Variants in ST8SIA6 observed in about 807,000 individuals in gnomAD.
ST8SIA6 encodes alpha-2,8-sialyltransferase 8F.
Under a neutral mutation model 33.6 loss-of-function variants are expected in ST8SIA6, and 39 were observed. The ratio of observed to expected loss-of-function variants is 1.16; its 90% CI spans 0.90 to 1.52. ST8SIA6 has a LOEUF of 1.52. ST8SIA6 is among the 40% of genes most tolerant of loss of function. The pLI is 0.00. For missense variants in ST8SIA6, 441 were observed against 443.8 expected, an observed-to-expected ratio of 0.99 and a Z score of 0.06; for synonymous variants, 172 against 167.2, an observed-to-expected ratio of 1.03 and a Z score of -0.22.
At position 17,399,698 on chromosome 10, in the gene ST8SIA6, C is replaced by T. The variant is rs117537235; in HGVS notation, c.201-9078G>A. Among the ~76,000 whole-genome samples, 789 of 152,104 alleles carry T rather than the reference C, an allele frequency of 5.2e-3. 3 individuals are homozygous for T. Among genetic ancestry groups the T allele is most frequent in the Admixed American group, 0.013 (197 of 15,288 alleles). Reference sequence around the variant, plus strand: ...TTGGGAGGCAGAGGTAGGGGAGGGTCTTGAGCCTAGGAGTTTGAGACCAGC... The same window carrying T: ...TTGGGAGGCAGAGGTAGGGGAGGGTTTTGAGCCTAGGAGTTTGAGACCAGC... On this transcript the variant is annotated intron_variant, in intron 2 of 7. Transcript: ENST00000377602.
rs1356976285 is a variant in ST8SIA6 at position 17,319,221 on chromosome 10, C to T, written c.*1657G>A. Among the ~76,000 whole-genome samples the T allele has an allele frequency of 1.3e-5, 2 of 152,204 alleles. No homozygotes were observed. Among genetic ancestry groups the T allele is most frequent in the African/African-American group, 2.4e-5 (1 of 41,448 alleles). ...AAATCATAAAACATGCGTCACAGTT[C>T]TTGTCGCTCTGTAATGGTGAGTTAC... On this transcript the variant is annotated 3_prime_UTR_variant, in exon 8 of 8. Coordinates refer to ENST00000377602, the MANE Select transcript of ST8SIA6 (RefSeq NM_001004470.3).
At chr10:17,374,752 A>AAATATATATATAT (rs1849849506) in intron 3 of ST8SIA6, among the ~76,000 whole-genome samples, 2 of 123,310 alleles carry the variant, frequency 1.6e-5, no homozygotes, top group African/African-American at 3.1e-5. Context: ...ATAAATAATA[A>AAATATATATATAT]ATATATATAT....
rs187622019 is a variant in ST8SIA6, at chr10:17,401,937, C to T, written c.201-11317G>A. Among the ~76,000 whole-genome samples, 8 of 152,180 alleles carry T rather than the reference C, an allele frequency of 5.3e-5. No homozygotes were observed. In the East Asian group the frequency reaches 1.2e-3, roughly 22 times the overall value. On this transcript the variant is annotated intron_variant, in intron 2 of 7. Transcript: ENST00000377602. ...AAAAGTCAAAATTGACAAATAGGAT[C>T]TAATTAAACTAAAGAGCTTCTGCAC...
chr10:17,383,832 CTTTGT>C (rs1850245025), intron 3 of ST8SIA6, among the ~76,000 whole-genome samples: 1 of 152,162 alleles, frequency 6.6e-6, no homozygotes, highest in Non-Finnish European at 1.5e-5. Flanking sequence ...TTTACTGATC[CTTTGT>C]TTTGTTTTTC....
intron 4 of ST8SIA6, among the ~76,000 whole-genome samples, chr10:17,336,835 C>T (rs1373289120): frequency 6.6e-6 from 1 of 152,182 alleles, no homozygotes; most frequent in Non-Finnish European, 1.5e-5. Flanking sequence ...CCTAGTTGAT[C>T]CACCCCCCTC....
In ST8SIA6 at chr10:17,331,563, A is replaced by C; in HGVS notation, c.378-11T>G. The C allele has an allele frequency of 1.3e-6, 2 of 1,593,748 alleles. No individual in the cohort carries two copies. Among genetic ancestry groups the C allele is most frequent in the Non-Finnish European group, 1.7e-6 (2 of 1,173,604 alleles). On this transcript the variant is annotated splice_polypyrimidine_tract_variant and intron_variant, in intron 4 of 7. Coordinates refer to ENST00000377602, the MANE Select transcript of ST8SIA6 (RefSeq NM_001004470.3). ...GAAGCAAGTTTGGCTCTGCAAAGGA[A>C]AAGGATGAAAAGGAAGCCAAAGTAT...
Position 17,334,353 on chromosome 10 carries a change from C to T in ST8SIA6, c.378-2801G>A, listed in dbSNP as rs183248615. Reference sequence around the variant, plus strand: ...AGGAGATCGAGACCATCCTGGCTAACACGGTGAAACCCCATTTCTACTAAA... The same window carrying T: ...AGGAGATCGAGACCATCCTGGCTAATACGGTGAAACCCCATTTCTACTAAA... On this transcript the variant is annotated intron_variant, in intron 4 of 7. Coordinates refer to ENST00000377602, the MANE Select transcript of ST8SIA6 (RefSeq NM_001004470.3). Among the ~76,000 whole-genome samples, 662 of 151,496 alleles carry T rather than the reference C, an allele frequency of 4.4e-3. 4 individuals carry two copies. Among genetic ancestry groups the T allele is most frequent in the African/African-American group, 0.015 (629 of 41,458 alleles).
chr10:17,432,108 C>A (rs1290020473), intron 2 of ST8SIA6, among the ~76,000 whole-genome samples: 1 of 152,144 alleles, frequency 6.6e-6, no homozygotes, highest in Non-Finnish European at 1.5e-5. Context: ...GGAGACAAGG[C>A]GCCAGAGCAT....
intron 2 of ST8SIA6, among the ~76,000 whole-genome samples, chr10:17,445,360 TC>T (rs1481556852): frequency 3.3e-5 from 5 of 152,084 alleles, no homozygotes; most frequent in African/African-American, 1.2e-4. Flanking sequence ...TGGCAACAGA[TC>T]AGCTGCTTCA....
intron 2 of ST8SIA6, among the ~76,000 whole-genome samples, chr10:17,448,935 A>C (rs1004311524): frequency 6.6e-6 from 1 of 151,240 alleles, no homozygotes; most frequent in Non-Finnish European, 1.5e-5. Context: ...GGTTTTATTG[A>C]GCTTCTTTCA....
At chr10:17,341,215 C>G (rs1442628588) in intron 4 of ST8SIA6, among the ~76,000 whole-genome samples, 2 of 152,132 alleles carry the variant, frequency 1.3e-5, no homozygotes, top group Non-Finnish European at 2.9e-5. Flanking sequence ...ATACATACAA[C>G]TCTATAATGT....
At chr10:17,403,470 C>G (rs1392604371) in intron 2 of ST8SIA6, 1 of 152,146 alleles carries the variant, frequency 6.6e-6, no homozygotes, top group African/African-American at 2.4e-5. Context: ...GTGTTTCTGT[C>G]TTTTTTAACC....
In ST8SIA6 at chr10:17,390,613, G is replaced by A. The variant is rs758301749; in HGVS notation, c.208C>T (p.Leu70=). 6.2e-7 allele frequency: 1 copy of A among 1,612,124 alleles called. No homozygotes were observed. The highest frequency in any genetic ancestry group is 8.5e-7 in the Non-Finnish European group (1 of 1,178,856). ...AVPRATNSTY[L]NEKSLQLTEK... ...GTCAGTTGGAGCGACTTCTCATTCA[G>A]ATATGTGCTGTTTCATGAAAGAGAT... The change falls in exon 3 of 8, where the codon CTG becomes TTG. Residue 70 remains leucine, a synonymous_variant. Transcript: ENST00000377602.
At chr10:17,418,993 C>CAAAAAAAA (rs910044275) in intron 2 of ST8SIA6, among the ~76,000 whole-genome samples, 7 of 56,142 alleles carry the variant, frequency 1.2e-4, no homozygotes, top group East Asian at 5.0e-4. Context: ...GGCTCCATCT[C>CAAAAAAAA]AAAAAAAAAA....
At chr10:17,353,419 CAATT>C (rs1158225792) in intron 4 of ST8SIA6, among the ~76,000 whole-genome samples, 1 of 152,060 alleles carries the variant, frequency 6.6e-6, no homozygotes, top group Non-Finnish European at 1.5e-5. Flanking sequence ...ATAGCTGAAA[CAATT>C]AACATAGGTG....
chr10:17,344,719 T>C (rs147971249), intron 4 of ST8SIA6, among the ~76,000 whole-genome samples: 1 of 152,196 alleles, frequency 6.6e-6, no homozygotes, highest in East Asian at 1.9e-4. Context: ...CCCAGCTATA[T>C]TCATAAGAAA....
intron 4 of ST8SIA6, among the ~76,000 whole-genome samples, chr10:17,354,882 G>A (rs866541637): frequency 2.0e-5 from 3 of 152,280 alleles, no homozygotes; most frequent in Middle Eastern, 3.4e-3. Context: ...TTAGGAAACC[G>A]CTTTCATGGA....
At chr10:17,443,378 TGA>T (rs1235250223) in intron 2 of ST8SIA6, among the ~76,000 whole-genome samples, 3 of 152,204 alleles carry the variant, frequency 2.0e-5, no homozygotes, top group Non-Finnish European at 4.4e-5. Context: ...CAGCAACCAG[TGA>T]GAGACTTTAA....
chr10:17,327,552 C>T (rs112444462), intron 5 of ST8SIA6, among the ~76,000 whole-genome samples: 5,034 of 152,198 alleles, frequency 0.033, 123 homozygotes, highest in African/African-American at 0.073. Flanking sequence ...CACCACTGCA[C>T]TCCAGCCTGG....
Sources: gnomAD v4.1 joint callset for allele counts (sites outside exome capture counted in the v4.1 genomes callset) on GRCh38, gnomAD v4.1.1 for gene constraint, MANE v1.5 for transcripts, NCBI Gene and HGNC (gene_info 2026-07-23, HGNC 2026-07-21) for gene names.